RAP1GAP2: variants seen among roughly 807,000 people sequenced by gnomAD.
RAP1GAP2 encodes RAP1 GTPase activating protein 2.
A neutral mutation model predicts 95.0 loss-of-function variants in RAP1GAP2; 27 were observed. That is an observed-to-expected ratio of 0.28 (90% CI 0.21 to 0.39). The LOEUF (loss-of-function observed/expected upper bound fraction) is 0.39. RAP1GAP2 is among the 10% of genes least tolerant of loss of function. The pLI, the probability that RAP1GAP2 is intolerant of heterozygous loss-of-function variation, is 1.00. For synonymous variants in RAP1GAP2, 373 were observed against 380.9 expected (o/e 0.98, Z 0.24); for missense variants, 771 against 970.0 (o/e 0.79, Z 2.72).
chr17:2,899,560 G>C (rs1391487270), intron 2 of RAP1GAP2, among the ~76,000 whole-genome samples: 3 of 151,878 alleles, frequency 2.0e-5, no homozygotes, highest in African/African-American at 7.3e-5. Context: ...ACCCGGGCTG[G>C]AGTGCAGTGG....
At chr17:2,862,945 C>T (rs1431961917) in intron 2 of RAP1GAP2, among the ~76,000 whole-genome samples, 3 of 142,822 alleles carry the variant, frequency 2.1e-5, no homozygotes, top group East Asian at 2.1e-4. Flanking sequence ...TGCAGTGAGC[C>T]GAGATTGCAC....
At position 2,871,920 on chromosome 17, in the gene RAP1GAP2, AC is replaced by A. The variant is rs1477624170; in HGVS notation, c.81-33363del. Reference sequence around the variant, plus strand: ...TATTTCACATTCATACCATGGACTAACTACTTAAAATAGAATGATGAGGCCA... The same window carrying A: ...TATTTCACATTCATACCATGGACTAATACTTAAAATAGAATGATGAGGCCA... On this transcript the variant is annotated intron_variant, in intron 2 of 24. Transcript: ENST00000254695. This position sits in a 1 kb window ranked among gnomAD's most constrained non-coding sequence, Gnocchi z 5.0. Among the ~76,000 whole-genome samples, 1 of 152,142 alleles carries A rather than the reference AC, an allele frequency of 6.6e-6. No individual in the cohort carries two copies. Among genetic ancestry groups the A allele is most frequent in the African/African-American group, 2.4e-5 (1 of 41,442 alleles).
rs2044458749 is a variant in RAP1GAP2 at position 2,963,840 on chromosome 17, C to T, written c.280-16C>T. 2 of 1,573,240 alleles carry T rather than the reference C, an allele frequency of 1.3e-6. No individual in the cohort carries two copies. Among genetic ancestry groups the T allele is most frequent in the Non-Finnish European group, 1.7e-6 (2 of 1,158,824 alleles). On this transcript the variant is annotated splice_polypyrimidine_tract_variant and intron_variant, in intron 6 of 24. Transcript: ENST00000254695. The surrounding 1 kb of genome is among the most constrained non-coding windows in gnomAD (Gnocchi z 4.8). ...TGCGGTCCCAGGGGAGCGCACGACCCTCCCTCTGCCTTCAGGTTGTGGAGA... is the reference window on the plus strand; with the variant it reads ...TGCGGTCCCAGGGGAGCGCACGACCTTCCCTCTGCCTTCAGGTTGTGGAGA...
chr17:2,761,986 T>C (rs1329724134), intron 1 of RAP1GAP2, among the ~76,000 whole-genome samples: 2 of 119,202 alleles, frequency 1.7e-5, no homozygotes, highest in African/African-American at 6.9e-5. Context: ...TATCTTTTTT[T>C]TTTTTTTTTT....
chr17:3,017,951 G>GTA (rs1407337949), intron 17 of RAP1GAP2, 110 bp from the exon 18 acceptor site: 2 of 953,432 alleles, frequency 2.1e-6, no homozygotes, highest in East Asian at 2.8e-5. Context: ...GTGTGTGTAT[G>GTA]TGTGCACGCA....
At chr17:2,846,786 G>A (rs1380795424) in intron 2 of RAP1GAP2, among the ~76,000 whole-genome samples, 1 of 152,150 alleles carries the variant, frequency 6.6e-6, no homozygotes, top group African/African-American at 2.4e-5. Flanking sequence ...TTCTAACCCA[G>A]GTTCGTCTGA....
intron 2 of RAP1GAP2, among the ~76,000 whole-genome samples, chr17:2,848,334 T>C (rs909619063): frequency 6.6e-6 from 1 of 152,092 alleles, no homozygotes; most frequent in Non-Finnish European, 1.5e-5. Context: ...TTCCCAGGCT[T>C]GTCTTTGAGG....
At chr17:2,947,402 G>C (rs953604029) in intron 3 of RAP1GAP2, among the ~76,000 whole-genome samples, 6 of 152,148 alleles carry the variant, frequency 3.9e-5, no homozygotes, top group Admixed American at 3.9e-4. Context: ...GCTGTTAATA[G>C]CAGTAACACT....
intron 2 of RAP1GAP2, among the ~76,000 whole-genome samples, chr17:2,846,699 C>T (rs1361570637): frequency 6.6e-6 from 1 of 152,202 alleles, no homozygotes; most frequent in Non-Finnish European, 1.5e-5. Context: ...TCCCATTTTA[C>T]AGATGAAGAC....
intron 2 of RAP1GAP2, among the ~76,000 whole-genome samples, chr17:2,802,703 CAA>C (rs1187577887): frequency 6.7e-6 from 1 of 148,402 alleles, no homozygotes; most frequent in Non-Finnish European, 1.5e-5. Context: ...AATGCCGTCT[CAA>C]AAAAAAAAGT....
chr17:2,913,657 T>C (rs916391010), intron 3 of RAP1GAP2, among the ~76,000 whole-genome samples: 1 of 152,184 alleles, frequency 6.6e-6, no homozygotes, highest in African/African-American at 2.4e-5. Context: ...ACTGGATTTT[T>C]AAAAATTTGC....
rs2042091670 is a variant in RAP1GAP2 at position 2,903,496 on chromosome 17, G to A, written c.81-1788G>A. Among the ~76,000 whole-genome samples, 1 of 152,198 alleles carries A rather than the reference G, an allele frequency of 6.6e-6. No homozygotes were observed. The highest frequency in any genetic ancestry group is 1.5e-5 in the Non-Finnish European group (1 of 68,030). On this transcript the variant is annotated intron_variant, in intron 2 of 24. Transcript: ENST00000254695. This position sits in a 1 kb window ranked among gnomAD's most constrained non-coding sequence, Gnocchi z 4.1. ...AGCTGGTGCCTGCTTTTGTGTGTGT[G>A]TGAGAGTGTGTGCACACACCTAGGA... is the stretch of plus-strand genomic sequence containing the variant.
intron 3 of RAP1GAP2, among the ~76,000 whole-genome samples, chr17:2,910,945 A>T (rs1435095364): frequency 1.3e-5 from 2 of 152,186 alleles, no homozygotes; most frequent in East Asian, 3.9e-4. Context: ...GTGATCCGCC[A>T]GCCTTGGCCT....
intron 2 of RAP1GAP2, among the ~76,000 whole-genome samples, chr17:2,846,149 C>G (rs1212843694): frequency 4.6e-5 from 7 of 151,040 alleles, no homozygotes; most frequent in Admixed American, 6.6e-5. Flanking sequence ...CACCACTGCA[C>G]TCCACCCTGG....
At chr17:2,828,420 G>GAAA (rs199805745) in intron 2 of RAP1GAP2, among the ~76,000 whole-genome samples, 13 of 145,302 alleles carry the variant, frequency 8.9e-5, no homozygotes, top group African/African-American at 2.5e-4. Context: ...AGTGAAAGTT[G>GAAA]AAAAAAAAAA....
chr17:3,003,648 C>T lies in RAP1GAP2; in HGVS notation c.1201-1721C>T, dbSNP rs1432498774. Among the ~76,000 whole-genome samples the T allele has an allele frequency of 1.3e-5, 2 of 152,218 alleles. No individual in the cohort carries two copies. The highest frequency in any genetic ancestry group is 2.9e-5 in the Non-Finnish European group (2 of 68,042). On this transcript the variant is annotated intron_variant, in intron 14 of 24. Coordinates refer to ENST00000254695, the MANE Select transcript of RAP1GAP2 (RefSeq NM_015085.5). The surrounding 1 kb of genome is among the most constrained non-coding windows in gnomAD (Gnocchi z 4.1). Reference sequence around the variant, plus strand: ...CTTCCAGCCATGCAGGTCCCTTCCCCAGAGTCACCTGCATCTGCCTCTCTC... The same window carrying T: ...CTTCCAGCCATGCAGGTCCCTTCCCTAGAGTCACCTGCATCTGCCTCTCTC...
intron 4 of RAP1GAP2, among the ~76,000 whole-genome samples, chr17:2,959,061 C>T (rs968320663): frequency 6.6e-6 from 1 of 152,156 alleles, no homozygotes; most frequent in East Asian, 1.9e-4. Context: ...TGCTCCATTG[C>T]TTGGAGCAAA....
chr17:2,850,942 C>T (rs1251374075), intron 2 of RAP1GAP2, among the ~76,000 whole-genome samples: 2 of 152,004 alleles, frequency 1.3e-5, no homozygotes, highest in Admixed American at 6.6e-5. Context: ...TGCCGGTAGT[C>T]CCAGCTACTC....
At chr17:2,793,261 C>G (rs2068976141), upstream of RAP1GAP2, among the ~76,000 whole-genome samples, 1 of 151,626 alleles carries the variant, frequency 6.6e-6, no homozygotes, top group Non-Finnish European at 1.5e-5. Context: ...TCAAGCGATT[C>G]TCCTGTCTCA....
Sources: gnomAD v4.1 joint callset for allele counts (sites outside exome capture counted in the v4.1 genomes callset) on GRCh38, gnomAD v4.1.1 for gene constraint, Gnocchi (gnomAD v3.1) non-coding constraint, MANE v1.5 for transcripts, NCBI Gene and HGNC (gene_info 2026-07-23, HGNC 2026-07-21) for gene names.